The following TMEM63C variants were observed in gnomAD, a reference collection of about 807,000 sequenced individuals.
TMEM63C encodes the protein osmosensitive cation channel TMEM63C.
Under a neutral mutation model 99.2 loss-of-function variants are expected in TMEM63C, and 32 were observed. The ratio of observed to expected loss-of-function variants is 0.32; its 90% CI spans 0.24 to 0.43. The LOEUF (loss-of-function observed/expected upper bound fraction) is 0.43, where lower values mean the gene tolerates loss of function less well. Ranked by LOEUF, TMEM63C falls within the 20% of genes least tolerant of loss-of-function variation. The probability of loss-of-function intolerance (pLI) is 1.00; values close to 1 mark genes in which losing one functional copy is unlikely to be tolerated. For synonymous variants in TMEM63C, 376 were observed against 397.9 expected (o/e 0.94, Z 0.66); for missense variants, 826 against 1,053.0 (o/e 0.78, Z 2.98).
intron 1 of TMEM63C, among the ~76,000 whole-genome samples, chr14:77,183,700 T>G (rs1212106404): frequency 6.6e-6 from 1 of 152,150 alleles, no homozygotes; most frequent in African/African-American, 2.4e-5. Flanking sequence ...TCAGACACCC[T>G]CTGAGCACAG....
At chr14:77,217,147 T>TA (rs35969189) in intron 2 of TMEM63C, among the ~76,000 whole-genome samples, 17,057 of 146,660 alleles carry the variant, frequency 0.12, 1,418 homozygotes, top group African/African-American at 0.24. Flanking sequence ...ATCTCTCTCT[T>TA]AAAAAAAAAA....
rs1242805129 is a variant in TMEM63C at position 77,244,397 on chromosome 14, A to G, written c.1390A>G (p.Thr464Ala). 15 of 1,613,784 alleles carry G rather than the reference A, an allele frequency of 9.3e-6. No homozygotes were observed. Among genetic ancestry groups the G allele is most frequent in the Non-Finnish European group, 1.3e-5 (15 of 1,179,870 alleles). ...CCCCTCTGTGATGCTCTGGGGCTTC[A>G]CAGTGATACTGCCTCTGATTGTCTA... ...FFPSVMLWGF[T>A]VILPLIVYFS... Residue 464 changes from threonine (T) to alanine (A), a missense_variant, in exon 16 of 24, where the codon ACA (threonine) becomes GCA (alanine). By Grantham distance (58) the Thr-to-Ala change is moderately conservative (BLOSUM62 0). Transcript: ENST00000298351.
At chr14:77,236,551 C>T (rs1482451644) in intron 8 of TMEM63C, 73 bp from the exon 9 acceptor site, 2 of 1,089,688 alleles carry the variant, frequency 1.8e-6, no homozygotes, top group South Asian at 2.5e-5. Flanking sequence ...AGGAGGAGGC[C>T]CAGGGGTCTC....
intron 8 of TMEM63C, among the ~76,000 whole-genome samples, chr14:77,234,023 G>A (rs913062608): frequency 6.6e-6 from 1 of 152,104 alleles, no homozygotes; most frequent in African/African-American, 2.4e-5. Context: ...AAGAGCTGGT[G>A]GACATGCTCT....
chr14:77,186,813 G>GTGTC (rs1309253131), intron 1 of TMEM63C, among the ~76,000 whole-genome samples: 3 of 90,382 alleles, frequency 3.3e-5, no homozygotes, highest in Non-Finnish European at 5.3e-5. Flanking sequence ...GTGTGTGTGT[G>GTGTC]TGTGTGTCTG....
At chr14:77,225,397 C>T (rs760278346) in intron 5 of TMEM63C, 27 bp from the exon 6 acceptor site, 209 of 1,611,628 alleles carry the variant, frequency 1.3e-4, no homozygotes, top group Non-Finnish European at 1.5e-4. Flanking sequence ...CCTGGGTTTT[C>T]TCACAGTTTC....
At chr14:77,221,951 C>T (rs1217374282) in intron 5 of TMEM63C, among the ~76,000 whole-genome samples, 1 of 147,142 alleles carries the variant, frequency 6.8e-6, no homozygotes, top group African/African-American at 2.6e-5. Flanking sequence ...GTCTCCTTAG[C>T]AGACTTCTCC....
Position 77,251,881 on chromosome 14 carries a change from A to C in TMEM63C, c.2131A>C (p.Met711Leu). 6.2e-7 allele frequency: 1 copy of C among 1,613,692 alleles called. No individual in the cohort carries two copies. Among genetic ancestry groups the C allele is most frequent in the Admixed American group, 1.7e-5 (1 of 60,022 alleles). Residue 711 changes from methionine to leucine, a missense_variant, in exon 22 of 24, where the codon ATG (methionine) becomes CTG (leucine). Met to Leu is a conservative substitution (Grantham distance 15). Transcript: ENST00000298351. Reference sequence around the variant, plus strand: ...TGGCATTTTTCTGGGGAAGCTTCGGATGGTTGCCGACTACGAGGTGAGTTG... The same window carrying C: ...TGGCATTTTTCTGGGGAAGCTTCGGCTGGTTGCCGACTACGAGGTGAGTTG... ...FVGIFLGKLRMVADYEPEEEE... is the reference protein window; with the variant it reads ...FVGIFLGKLRLVADYEPEEEE...
chr14:77,225,317 G>A (rs983555449), intron 5 of TMEM63C, 107 bp from the exon 6 acceptor site: 12 of 955,046 alleles, frequency 1.3e-5, no homozygotes, highest in Admixed American at 5.8e-5. Context: ...AGGAGGCCCC[G>A]GACGCTGCCG....
chr14:77,216,058 TAGAG>T (rs1888579535), intron 2 of TMEM63C, among the ~76,000 whole-genome samples: 1 of 143,148 alleles, frequency 7.0e-6, no homozygotes, highest in Admixed American at 7.0e-5. Context: ...GAAAGAGAGA[TAGAG>T]AGGGAGATAG....
chr14:77,252,860 CTCTG>C (rs1889393020), intron 22 of TMEM63C, among the ~76,000 whole-genome samples: 1 of 152,230 alleles, frequency 6.6e-6, no homozygotes, highest in African/African-American at 2.4e-5. Context: ...ACCCCGCTGA[CTCTG>C]TCTAATACAG....
intron 2 of TMEM63C, among the ~76,000 whole-genome samples, chr14:77,216,196 G>T (rs367992569): frequency 2.0e-5 from 3 of 151,720 alleles, no homozygotes; most frequent in African/African-American, 7.3e-5. Flanking sequence ...CATCAACACT[G>T]GTTCCTCCCT....
At chr14:77,244,938 A>G (rs1434275660) in intron 16 of TMEM63C, among the ~76,000 whole-genome samples, 1 of 152,202 alleles carries the variant, frequency 6.6e-6, no homozygotes, top group African/African-American at 2.4e-5. Context: ...GAGCGTTCCC[A>G]TTTGTTAGCC....
At chr14:77,224,555 G>A (rs1888783584) in intron 5 of TMEM63C, among the ~76,000 whole-genome samples, 1 of 152,142 alleles carries the variant, frequency 6.6e-6, no homozygotes, top group Non-Finnish European at 1.5e-5. Context: ...TTTTAGAGCT[G>A]CAGGCCCCAG....
intron 18 of TMEM63C, 110 bp downstream of exon 18, chr14:77,246,784 A>C: frequency 1.1e-6 from 1 of 869,630 alleles, no homozygotes; most frequent in Non-Finnish European, 1.8e-6. Flanking sequence ...GTGTAGACAA[A>C]TGCTTGTGAA....
chr14:77,231,467 T>TAA (rs11295791), intron 6 of TMEM63C, 121 bp from the exon 7 acceptor site: 2,924 of 956,658 alleles, frequency 3.1e-3, no homozygotes, highest in Middle Eastern at 4.0e-3. Context: ...ATAGAGATAG[T>TAA]AAAAAAAAAA....
intron 8 of TMEM63C, among the ~76,000 whole-genome samples, chr14:77,236,064 GTGGGTGGGGGGTATGGGGAGACTGCGA>G (rs1280625146): frequency 2.0e-4 from 1 of 4,970 alleles, no homozygotes; most frequent in Admixed American, 2.3e-3. Context: ...GGAGACTGTG[GTGGGTGGGGGGTATGGGGAGACTGCGA>G]TGGGTGGGGG....
intron 22 of TMEM63C, among the ~76,000 whole-genome samples, 194 bp downstream of exon 22, chr14:77,252,092 C>G (rs1889376773): frequency 6.6e-6 from 1 of 151,052 alleles, no homozygotes; most frequent in Non-Finnish European, 1.5e-5. Context: ...TGCGTGCATG[C>G]CTTGCACTAG....
At chr14:77,231,304 C>T (rs111733727) in intron 6 of TMEM63C, among the ~76,000 whole-genome samples, 38 of 152,278 alleles carry the variant, frequency 2.5e-4, no homozygotes, top group African/African-American at 8.9e-4. Flanking sequence ...TGAATGCATG[C>T]TCTATTTCAA....
Sources: gnomAD v4.1 joint callset for allele counts (sites outside exome capture counted in the v4.1 genomes callset) on GRCh38, gnomAD v4.1.1 for gene constraint, MANE v1.5 for transcripts, NCBI Gene and HGNC (gene_info 2026-07-23, HGNC 2026-07-21) for gene names.